PDE4B: variants seen among roughly 807,000 people sequenced by gnomAD.
The protein encoded by PDE4B is phosphodiesterase 4B, also known as 3',5'-cyclic-AMP phosphodiesterase 4B.
PDE4B carries 20 observed loss-of-function variants against 82.2 expected under a neutral mutation model. The ratio of observed to expected loss-of-function variants is 0.24; its 90% CI spans 0.17 to 0.35. The LOEUF is 0.35. PDE4B is among the 10% of genes least tolerant of loss of function. The pLI, the probability that PDE4B is intolerant of heterozygous loss-of-function variation, is 1.00. For synonymous variants in PDE4B, 320 were observed against 318.9 expected, an observed-to-expected ratio of 1.00 and a Z score of -0.04; for missense variants, 655 against 907.2, an observed-to-expected ratio of 0.72 and a Z score of 3.57.
Position 66,355,613 on chromosome 1 carries a change from T to G in PDE4B, c.834T>G (p.Thr278=). The G allele has an allele frequency of 6.3e-7, 1 of 1,595,288 alleles. No homozygotes were observed. The change falls in exon 9 of 17, where the codon ACT becomes ACG. Residue 278 remains threonine (T), a synonymous_variant. Transcript: ENST00000341517. ...AGGTGTCTGAATACATTTCAAATAC[T>G]TTCTTAGGTAAGATATTAACTGGGA... The part of the protein sequence containing the change: ...GNQVSEYISN[T]FLDKQNDVEI...
At chr1:66,218,095 C>T (rs1304752359) in intron 3 of PDE4B, among the ~76,000 whole-genome samples, 2 of 152,074 alleles carry the variant, frequency 1.3e-5, no homozygotes, top group Non-Finnish European at 2.9e-5. Context: ...ATTATCCTTC[C>T]AACACCTCTG....
intron 3 of PDE4B, among the ~76,000 whole-genome samples, chr1:66,224,149 C>T (rs560374585): frequency 8.3e-4 from 123 of 148,132 alleles, no homozygotes; most frequent in African/African-American, 2.7e-3. Flanking sequence ...ATCTTTCCAG[C>T]GCATCTCTTT....
chr1:65,898,493 A>C (rs1209109779), intron 1 of PDE4B, among the ~76,000 whole-genome samples: 1 of 152,168 alleles, frequency 6.6e-6, no homozygotes. Flanking sequence ...ACCAAAAAAG[A>C]GGCTGCATAG....
intron 3 of PDE4B, among the ~76,000 whole-genome samples, chr1:66,217,501 C>G (rs1397900349): frequency 6.6e-6 from 1 of 152,106 alleles, no homozygotes; most frequent in Non-Finnish European, 1.5e-5. Flanking sequence ...CTGTCTGTCT[C>G]TTTTTGATGT....
chr1:66,108,690 C>T (rs1645423274), intron 3 of PDE4B, among the ~76,000 whole-genome samples: 1 of 149,136 alleles, frequency 6.7e-6, no homozygotes, highest in Non-Finnish European at 1.5e-5. Flanking sequence ...AATGTCACTA[C>T]TAATCATCAG....
chr1:66,050,031 AC>A (rs1398952434), intron 3 of PDE4B, among the ~76,000 whole-genome samples: 1 of 152,100 alleles, frequency 6.6e-6, no homozygotes, highest in Non-Finnish European at 1.5e-5. Flanking sequence ...GACATAGGCA[AC>A]AAAAAGTCCC....
intron 3 of PDE4B, among the ~76,000 whole-genome samples, chr1:66,119,621 TGG>T (rs1243943246): frequency 1.3e-5 from 2 of 152,232 alleles, no homozygotes; most frequent in African/African-American, 4.8e-5. Context: ...AAGCTTCTGC[TGG>T]GATTTCCAAT....
intron 1 of PDE4B, among the ~76,000 whole-genome samples, chr1:65,798,240 T>TGAACTCC (rs1557752727): frequency 2.0e-4 from 10 of 49,572 alleles, no homozygotes; most frequent in Non-Finnish European, 2.0e-4. Flanking sequence ...AGGCTAGTCT[T>TGAACTCC]TTTTTTTTTT....
intron 7 of PDE4B, among the ~76,000 whole-genome samples, chr1:66,298,323 T>C (rs533987041): frequency 5.0e-4 from 76 of 152,224 alleles, no homozygotes; most frequent in Non-Finnish European, 8.2e-4. Flanking sequence ...AAAGGAAGCT[T>C]GCCTGACTAC....
At chr1:66,300,455 T>C (rs187277251) in intron 7 of PDE4B, among the ~76,000 whole-genome samples, 29 of 152,232 alleles carry the variant, frequency 1.9e-4, no homozygotes, top group Non-Finnish European at 1.5e-5. Flanking sequence ...TTATTGACTG[T>C]GGACTGTTGA....
At chr1:65,992,699 A>T (rs1378451412) in intron 3 of PDE4B, 1 of 1,309,958 alleles carries the variant, frequency 7.6e-7, no homozygotes, top group African/African-American at 1.5e-5. Context: ...AGGCAAAGCC[A>T]GCCTGATAAA....
chr1:66,286,981 A>G (rs1443268385), intron 7 of PDE4B, among the ~76,000 whole-genome samples: 1 of 152,166 alleles, frequency 6.6e-6, no homozygotes, highest in Non-Finnish European at 1.5e-5. Flanking sequence ...GTTAGCTGTT[A>G]TAAGAATTCA....
At chr1:66,370,177 A>G (rs889946797) in intron 16 of PDE4B, among the ~76,000 whole-genome samples, 17 of 150,766 alleles carry the variant, frequency 1.1e-4, no homozygotes, top group African/African-American at 3.4e-4. Flanking sequence ...AAAAAAAAAA[A>G]AGAAAGAAAT....
intron 7 of PDE4B, among the ~76,000 whole-genome samples, chr1:66,272,298 C>T (rs1038138092): frequency 6.6e-6 from 1 of 152,176 alleles, no homozygotes; most frequent in African/African-American, 2.4e-5. Flanking sequence ...CCTCCAGGAT[C>T]GAAGTTAGGG....
At chr1:65,838,585 A>ATATATGTATATGTATC (rs1433157027) in intron 1 of PDE4B, among the ~76,000 whole-genome samples, 1 of 148,328 alleles carries the variant, frequency 6.7e-6, no homozygotes, top group Non-Finnish European at 1.5e-5. Context: ...ATATGTGTAT[A>ATATATGTATATGTATC]TATATGTATA....
At chr1:66,198,572 T>C (rs1163944888) in intron 3 of PDE4B, among the ~76,000 whole-genome samples, 1 of 152,096 alleles carries the variant, frequency 6.6e-6, no homozygotes, top group Admixed American at 6.6e-5. Context: ...GGCCTCTTTC[T>C]GCTCCTCTCT....
chr1:65,916,875 G>A (rs1647167514), intron 2 of PDE4B, among the ~76,000 whole-genome samples: 1 of 151,986 alleles, frequency 6.6e-6, no homozygotes, highest in African/African-American at 2.4e-5. Context: ...TTCAAACTCT[G>A]GAAAATTTTA....
rs747922729 is a variant in PDE4B at position 66,045,808 on chromosome 1, G to A, written c.281+126973G>A. Among the ~76,000 whole-genome samples, 6 of 151,770 alleles carry A rather than the reference G, an allele frequency of 4.0e-5. No homozygotes were observed. The South Asian group carries it at 1.0e-3, about 26-fold the overall frequency. On this transcript the variant is annotated intron_variant, in intron 3 of 16. Transcript: ENST00000341517. ...TCTGACTAAGAATATGGGAATGAAC[G>A]TGATAGGCAGTGGGCTGAGAGATGT...
At chr1:66,345,567 C>T (rs1401227314) in intron 8 of PDE4B, among the ~76,000 whole-genome samples, 1 of 152,170 alleles carries the variant, frequency 6.6e-6, no homozygotes, top group Admixed American at 6.5e-5. Context: ...GAAGCCCCAG[C>T]AGTTACACTA....
Sources: allele counts gnomAD v4.1 joint callset (sites outside exome capture counted in the v4.1 genomes callset), GRCh38; gene constraint gnomAD v4.1.1; transcripts MANE v1.5; gene names NCBI Gene and HGNC (gene_info 2026-07-23, HGNC 2026-07-21).